The following COG5 variants were observed in gnomAD, a reference collection of about 807,000 sequenced individuals.
COG5 encodes conserved oligomeric Golgi complex subunit 5.
In COG5, 86 loss-of-function variants were observed where a neutral mutation model predicts 110.4. That is an observed-to-expected ratio of 0.78 (90% CI 0.65 to 0.93). The LOEUF is 0.93. Among genes scored for constraint, COG5 ranks in the 40% least tolerant of loss-of-function variants. The probability of loss-of-function intolerance (pLI) is 0.00; values close to 1 mark genes in which losing one functional copy is unlikely to be tolerated. For synonymous variants in COG5, 360 were observed against 334.6 expected (o/e 1.08, Z -0.83); for missense variants, 1,077 against 987.0 (o/e 1.09, Z -1.22).
rs1796587087 is a variant in COG5 at position 107,470,775 on chromosome 7, A to C, written c.538+56462T>G. On this transcript the variant is annotated intron_variant, in intron 6 of 21. Coordinates refer to ENST00000297135, the MANE Select transcript of COG5 (RefSeq NM_006348.5). ...TCTGTTTCTTAAAAGAACTAGGTTT[A>C]CTATTTTGCTGTTACTTATTACTTA... Among the ~76,000 whole-genome samples, 3 of 152,204 alleles carry C rather than the reference A, an allele frequency of 2.0e-5. No homozygotes were observed. In the South Asian group the frequency reaches 6.2e-4, roughly 32 times the overall value.
intron 10 of COG5, among the ~76,000 whole-genome samples, chr7:107,338,212 A>G (rs1810870267): frequency 6.6e-6 from 1 of 152,188 alleles, no homozygotes; most frequent in Non-Finnish European, 1.5e-5. Flanking sequence ...AAGGAAAACA[A>G]AACTAGTGGT....
At chr7:107,541,141 ACT>A (rs1345906908) in intron 5 of COG5, among the ~76,000 whole-genome samples, 2 of 149,648 alleles carry the variant, frequency 1.3e-5, no homozygotes, top group East Asian at 3.9e-4. Flanking sequence ...ACAGAGCGGG[ACT>A]CTGTCTTGAA....
chr7:107,539,861 T>A (rs1319890556), intron 5 of COG5, among the ~76,000 whole-genome samples: 1 of 152,042 alleles, frequency 6.6e-6, no homozygotes, highest in Non-Finnish European at 1.5e-5. Context: ...AATGAATAAT[T>A]GGACAATAAT....
intron 1 of COG5, among the ~76,000 whole-genome samples, chr7:107,558,818 G>A (rs1370335178): frequency 6.7e-5 from 10 of 149,656 alleles, no homozygotes; most frequent in Middle Eastern, 6.9e-3. Context: ...AACCCGGGAG[G>A]CGGAGCTTGC....
intron 11 of COG5, among the ~76,000 whole-genome samples, chr7:107,318,918 T>G (rs1468001977): frequency 6.6e-6 from 1 of 152,192 alleles, no homozygotes; most frequent in Non-Finnish European, 1.5e-5. Context: ...CAACAACTAT[T>G]TTTTTCTAAC....
At chr7:107,550,869 C>T (rs899470688) in intron 3 of COG5, among the ~76,000 whole-genome samples, 4 of 150,742 alleles carry the variant, frequency 2.7e-5, no homozygotes, top group African/African-American at 9.9e-5. Flanking sequence ...CCATGCCCAG[C>T]CCTGTTTTCT....
intron 5 of COG5, among the ~76,000 whole-genome samples, chr7:107,531,453 T>C (rs1227200701): frequency 8.0e-6 from 1 of 124,790 alleles, no homozygotes; most frequent in African/African-American, 2.6e-5. Context: ...ATTCTGTCAT[T>C]TTGTATTTAT....
At chr7:107,524,317 A>G (rs10258419) in intron 6 of COG5, among the ~76,000 whole-genome samples, 18,507 of 152,210 alleles carry the variant, frequency 0.12, 2,918 homozygotes, top group African/African-American at 0.36. Context: ...GAATATACTT[A>G]ATTTCCAGAC....
chr7:107,527,635 G>T (rs1009184350), intron 5 of COG5, among the ~76,000 whole-genome samples: 2 of 151,974 alleles, frequency 1.3e-5, no homozygotes, highest in South Asian at 2.1e-4. Context: ...CTAAATAATC[G>T]CAAGTCTTAA....
At chr7:107,513,821 T>C (rs1193661818) in intron 6 of COG5, among the ~76,000 whole-genome samples, 1 of 151,308 alleles carries the variant, frequency 6.6e-6, no homozygotes, top group Non-Finnish European at 1.5e-5. Context: ...CACCATATCT[T>C]CTCACTGATA....
chr7:107,231,394 G>C (rs1800766350), intron 18 of COG5, among the ~76,000 whole-genome samples: 2 of 152,058 alleles, frequency 1.3e-5, no homozygotes, highest in Admixed American at 1.3e-4. Flanking sequence ...CAAGAATTTA[G>C]CAAATCTTGG....
intron 5 of COG5, 132 bp from the exon 6 acceptor site, chr7:107,527,489 C>G: frequency 6.6e-6 from 6 of 904,608 alleles, no homozygotes; most frequent in Non-Finnish European, 1.0e-5. Flanking sequence ...ATGTAACAAA[C>G]CTGCACATGT....
intron 6 of COG5, among the ~76,000 whole-genome samples, chr7:107,478,119 G>A (rs989182359): frequency 1.3e-5 from 2 of 151,852 alleles, no homozygotes; most frequent in Non-Finnish European, 2.9e-5. Flanking sequence ...GCCCTTAGTA[G>A]CCCTTAGTAG....
chr7:107,399,410 T>C (rs551443512), intron 7 of COG5, among the ~76,000 whole-genome samples: 2 of 152,142 alleles, frequency 1.3e-5, no homozygotes, highest in Admixed American at 6.5e-5. Context: ...GATTGGATCA[T>C]GGGGGTGGTT....
chr7:107,343,843 C>T (rs12538769), intron 10 of COG5, among the ~76,000 whole-genome samples: 25,121 of 151,580 alleles, frequency 0.17, 2,393 homozygotes, highest in Non-Finnish European at 0.22. Flanking sequence ...AGGTATATTA[C>T]CAATGATGAG....
intron 7 of COG5, among the ~76,000 whole-genome samples, chr7:107,396,948 A>C (rs1000753717): frequency 1.3e-5 from 2 of 152,250 alleles, no homozygotes; most frequent in Non-Finnish European, 2.9e-5. Flanking sequence ...TAAAATGTAA[A>C]GTCATTCTGT....
intron 5 of COG5, among the ~76,000 whole-genome samples, chr7:107,538,408 A>T (rs1801740847): frequency 6.6e-6 from 1 of 152,152 alleles, no homozygotes; most frequent in South Asian, 2.1e-4. Flanking sequence ...TCACAATAAA[A>T]GCAGCAACCC....
intron 6 of COG5, among the ~76,000 whole-genome samples, chr7:107,424,115 T>C (rs542073535): frequency 1.4e-4 from 21 of 151,608 alleles, no homozygotes; most frequent in African/African-American, 4.8e-4. Context: ...TCTACTTGAA[T>C]ACAAAAAATT....
At chr7:107,525,117 G>A (rs201168139) in intron 6 of COG5, among the ~76,000 whole-genome samples, 6 of 151,916 alleles carry the variant, frequency 3.9e-5, no homozygotes, top group Non-Finnish European at 7.4e-5. Context: ...TAGTAGAGAC[G>A]GGGTTTCACC....
Sources: allele counts gnomAD v4.1 joint callset (sites outside exome capture counted in the v4.1 genomes callset), GRCh38; gene constraint gnomAD v4.1.1; transcripts MANE v1.5; gene names NCBI Gene and HGNC (gene_info 2026-07-23, HGNC 2026-07-21).